The following GFRAL variants were observed in gnomAD, a reference collection of about 807,000 sequenced individuals.
The protein encoded by GFRAL is GDNF family receptor alpha-like.
Under a neutral mutation model 45.4 loss-of-function variants are expected in GFRAL, and 36 were observed. The observed-to-expected ratio is 0.79, with a 90% CI of 0.61 to 1.05. The LOEUF (loss-of-function observed/expected upper bound fraction) is 1.05, where lower values mean the gene tolerates loss of function less well. Ranked by LOEUF, GFRAL falls within the 50% of genes least tolerant of loss-of-function variation. The pLI is 0.00. For missense variants in GFRAL, 507 were observed against 467.5 expected (o/e 1.08, Z -0.78); for synonymous variants, 166 against 154.1 (o/e 1.08, Z -0.57).
intron 6 of GFRAL, among the ~76,000 whole-genome samples, chr6:55,378,110 G>A (rs2127362398): frequency 1.3e-5 from 2 of 152,198 alleles, no homozygotes; most frequent in Admixed American, 1.3e-4. Context: ...TACAGTGTAT[G>A]CATGAGTGCT....
chr6:55,338,603 G>T (rs17750432), intron 3 of GFRAL, among the ~76,000 whole-genome samples: 1 of 152,004 alleles, frequency 6.6e-6, no homozygotes, highest in African/African-American at 2.4e-5. Flanking sequence ...CAAAGTACTA[G>T]AAGCCATAGA....
intron 3 of GFRAL, among the ~76,000 whole-genome samples, chr6:55,341,066 C>A (rs1166508073): frequency 6.6e-6 from 1 of 152,206 alleles, no homozygotes; most frequent in Non-Finnish European, 1.5e-5. Context: ...TCAAGGAGGC[C>A]TGCTTGCATC....
chr6:55,341,668 A>T (rs2127352194), intron 3 of GFRAL, among the ~76,000 whole-genome samples: 1 of 152,320 alleles, frequency 6.6e-6, no homozygotes, highest in South Asian at 2.1e-4. Flanking sequence ...ACAAAGCTGG[A>T]TGGAGAATGA....
At chr6:55,359,219 T>A in intron 6 of GFRAL, 81 bp downstream of exon 6, 1 of 1,234,902 alleles carries the variant, frequency 8.1e-7, no homozygotes, top group Non-Finnish European at 1.1e-6. Flanking sequence ...TTTTTGCCTA[T>A]ACAGTAAAAG....
At chr6:55,400,203 A>G (rs1768878142) in intron 8 of GFRAL, among the ~76,000 whole-genome samples, 1 of 152,292 alleles carries the variant, frequency 6.6e-6, no homozygotes, top group East Asian at 1.9e-4. Flanking sequence ...CTTATTCTTT[A>G]CACATATGGG....
chr6:55,346,362 T>TA (rs1159797640), intron 3 of GFRAL, among the ~76,000 whole-genome samples: 2 of 152,166 alleles, frequency 1.3e-5, no homozygotes, highest in East Asian at 3.9e-4. Context: ...TATGCAGCCA[T>TA]AAAAAAGGAT....
At chr6:55,400,670 A>G (rs1396698966) in intron 8 of GFRAL, among the ~76,000 whole-genome samples, 1 of 152,172 alleles carries the variant, frequency 6.6e-6, no homozygotes, top group African/African-American at 2.4e-5. Context: ...CAAGGCCTTA[A>G]AAGTTACATT....
intron 1 of GFRAL, 138 bp from the exon 2 acceptor site, chr6:55,331,577 T>G: frequency 1.6e-6 from 1 of 625,956 alleles, no homozygotes; most frequent in Non-Finnish European, 2.6e-6. Flanking sequence ...AGAGAGGAGG[T>G]TAAGGTTATT....
chr6:55,345,098 T>C lies in GFRAL; in HGVS notation c.317-4994T>C, dbSNP rs1768020323. Among the ~76,000 whole-genome samples the C allele has an allele frequency of 2.6e-5, 4 of 152,110 alleles. No individual in the cohort carries two copies. In the South Asian group the frequency reaches 8.3e-4, roughly 31 times the overall value. On this transcript the variant is annotated intron_variant, in intron 3 of 8. Transcript: ENST00000340465. ...TCATGGATAGGAAGAACCAATATCA[T>C]GAAAATGGCCATACTGCCCAAGGTA...
intron 6 of GFRAL, among the ~76,000 whole-genome samples, chr6:55,387,974 T>A (rs1384854267): frequency 6.6e-6 from 1 of 152,196 alleles, no homozygotes; most frequent in African/African-American, 2.4e-5. Context: ...GAATGTAGAA[T>A]GGATGAAAGC....
Position 55,401,915 on chromosome 6 carries a change from T to TTCTTC in GFRAL, c.*66_*70dup, listed in dbSNP as rs1768904321. The TTCTTC allele has an allele frequency of 2.4e-6, 2 of 843,922 alleles. No individual in the cohort carries two copies. The allele number at this position is 843,922 out of a possible 1,614,324, so 52.3% of individuals were successfully genotyped here. On this transcript the variant is annotated 3_prime_UTR_variant, in exon 9 of 9. Coordinates refer to ENST00000340465, the MANE Select transcript of GFRAL (RefSeq NM_207410.2). ...TTCTCTGCTTTTCTTCTTTCCTCTTTTCTTCTCTCCTCTCCTCTCCTCTCT... is the reference window on the plus strand; with the variant it reads ...TTCTCTGCTTTTCTTCTTTCCTCTTTTCTTCTCTTCTCTCCTCTCCTCTCCTCTCT...
intron 6 of GFRAL, among the ~76,000 whole-genome samples, chr6:55,363,043 G>C (rs1300777452): frequency 1.3e-5 from 2 of 150,640 alleles, no homozygotes; most frequent in Admixed American, 1.3e-4. Context: ...AAAGAGGGAA[G>C]GTAGAGGAGG....
At chr6:55,390,926 A>G (rs2173992) in intron 6 of GFRAL, among the ~76,000 whole-genome samples, 2 of 112,184 alleles carry the variant, frequency 1.8e-5, no homozygotes, top group African/African-American at 4.6e-5. Context: ...ACACACACAC[A>G]CACACACAAG....
At chr6:55,350,070 A>C (rs201714546) in intron 3 of GFRAL, 22 bp from the exon 4 acceptor site, 2 of 1,396,114 alleles carry the variant, frequency 1.4e-6, no homozygotes, top group Non-Finnish European at 2.0e-6. Flanking sequence ...ATAATGAAAT[A>C]ATTTCTTTGT....
At chr6:55,395,040 G>GT in intron 6 of GFRAL, among the ~76,000 whole-genome samples, 2 of 151,566 alleles carry the variant, frequency 1.3e-5, no homozygotes, top group Admixed American at 1.3e-4. Flanking sequence ...TCATAACTCA[G>GT]TAACATATAA....
At position 55,399,267 on chromosome 6, in the gene GFRAL, C is replaced by A; in HGVS notation, c.1040C>A (p.Pro347His). 1 of 1,588,096 alleles carries A rather than the reference C, an allele frequency of 6.3e-7. No individual in the cohort carries two copies. Residue 347 changes from proline to histidine, a missense_variant, in exon 7 of 9, where the codon CCC becomes CAC. Coordinates refer to ENST00000340465, the MANE Select transcript of GFRAL (RefSeq NM_207410.2). ...ATCACTTTAACTGGATTTCATTCCCCCTTCAATGGTCAGTTAAAAATCAAT... is the reference window on the plus strand; with the variant it reads ...ATCACTTTAACTGGATTTCATTCCCACTTCAATGGTCAGTTAAAAATCAAT... ...NKITLTGFHSPFNGEVIYAAM... is the reference protein window; with the variant it reads ...NKITLTGFHSHFNGEVIYAAM...
chr6:55,330,211 G>A (rs1288051262), intron 1 of GFRAL, among the ~76,000 whole-genome samples: 2 of 152,032 alleles, frequency 1.3e-5, no homozygotes, highest in African/African-American at 4.8e-5. Flanking sequence ...TTTTTTAGAT[G>A]TTATCAGTTA....
chr6:55,393,470 A>G (rs1025712013), intron 6 of GFRAL, among the ~76,000 whole-genome samples: 1 of 152,204 alleles, frequency 6.6e-6, no homozygotes, highest in Non-Finnish European at 1.5e-5. Flanking sequence ...AGAATGACAG[A>G]TGGTTCTACT....
intron 6 of GFRAL, among the ~76,000 whole-genome samples, chr6:55,365,936 A>G (rs1229306099): frequency 2.1e-5 from 3 of 146,076 alleles, no homozygotes; most frequent in Non-Finnish European, 3.0e-5. Flanking sequence ...CTTTGGTATT[A>G]GAATGATGCT....
Sources: allele counts gnomAD v4.1 joint callset (sites outside exome capture counted in the v4.1 genomes callset), GRCh38; gene constraint gnomAD v4.1.1; transcripts MANE v1.5; gene names NCBI Gene and HGNC (gene_info 2026-07-23, HGNC 2026-07-21).